Variants in CLCN7 observed in about 807,000 individuals in gnomAD.
The protein encoded by CLCN7 is H(+)/Cl(-) exchange transporter 7.
In CLCN7, 60 loss-of-function variants were observed where a neutral mutation model predicts 102.1. The observed-to-expected ratio is 0.59, with a 90% confidence interval of 0.48 to 0.73. CLCN7 has a LOEUF of 0.73. Ranked by LOEUF, CLCN7 falls within the 30% of genes least tolerant of loss-of-function variation. The pLI is 0.00. For synonymous variants in CLCN7, 560 were observed against 490.5 expected, an observed-to-expected ratio of 1.14 and a Z score of -1.87; for missense variants, 962 against 1,125.7, an observed-to-expected ratio of 0.85 and a Z score of 2.08.
chr16:1,461,474 C>T lies in CLCN7; in HGVS notation c.286-4G>A, dbSNP rs1428167911. 1.3e-6 allele frequency: 2 copies of T among 1,580,260 alleles called. No homozygotes were observed. The highest frequency in any genetic ancestry group is 1.9e-5 in the Admixed American group (1 of 52,658). On this transcript the variant is annotated splice_region_variant and splice_polypyrimidine_tract_variant and intron_variant, in intron 3 of 24. Transcript: ENST00000382745. ...CACTGTTGTCATAGTCCAAGCTCTG[C>T]AGGCCGGGACAGCAAGGGCAGCACT...
chr16:1,458,236 G>A (rs1302183900), intron 7 of CLCN7, among the ~76,000 whole-genome samples: 1 of 152,210 alleles, frequency 6.6e-6, no homozygotes, highest in South Asian at 2.1e-4. Flanking sequence ...ACCTGAGAAG[G>A]TGTGTAAGGT....
In CLCN7 at chr16:1,459,086, C is replaced by T. The variant is rs970353729; in HGVS notation, c.675+21G>A. The stretch of plus-strand genomic sequence containing the variant: ...AAGAGCGGGCGCCCACCCTGCCCAG[C>T]CAGGGCCACCGCACCCTCACCTTGA... On this transcript the variant is annotated intron_variant, in intron 7 of 24. Coordinates refer to ENST00000382745, the MANE Select transcript of CLCN7 (RefSeq NM_001287.6). 1.9e-6 allele frequency: 3 copies of T among 1,597,724 alleles called. No individual in the cohort carries two copies. The South Asian group carries it at 3.3e-5, about 18-fold the overall frequency.
intron 5 of CLCN7, 40 bp downstream of exon 5, chr16:1,460,775 GC>G (rs757116869): frequency 6.2e-7 from 1 of 1,613,344 alleles, no homozygotes. Context: ...CCCAGGCCAC[GC>G]CCCCCTCCCA....
chr16:1,455,839 C>T (rs932714495), intron 10 of CLCN7, 44 bp from the exon 11 acceptor site: 5 of 1,593,696 alleles, frequency 3.1e-6, no homozygotes, highest in African/African-American at 2.7e-5. Flanking sequence ...GGACACAGGG[C>T]ACCATGCCCA....
chr16:1,467,810 C>G (rs1025555670), intron 1 of CLCN7: 1 of 152,370 alleles, frequency 6.6e-6, no homozygotes, highest in Non-Finnish European at 1.5e-5. Flanking sequence ...TCTGGCCGGA[C>G]GTGGTGGCTC....
chr16:1,460,847 C>G lies in CLCN7; in HGVS notation c.453G>C (p.Leu151=). Residue 151 remains leucine, a synonymous_variant, in exon 5 of 25, where the codon CTG becomes CTC. Transcript: ENST00000382745. ...TGATGACCCTGTACTTGAGGCCAGC[C>G]AGGTTTTCCACCACGATGTCAATGA... ...ACFIDIVVEN[L]AGLKYRVIKG... is the part of the protein sequence containing the mutation. 1 of 1,614,066 alleles carries G rather than the reference C, an allele frequency of 6.2e-7. No homozygotes were observed. Among genetic ancestry groups the G allele is most frequent in the Non-Finnish European group, 8.5e-7 (1 of 1,179,962 alleles).
At chr16:1,452,971 C>T in intron 14 of CLCN7, 78 bp from the exon 15 acceptor site, 1 of 1,532,276 alleles carries the variant, frequency 6.5e-7, no homozygotes, top group Non-Finnish European at 8.8e-7. Context: ...AACTCGAGTC[C>T]CTGATGGAGG....
rs993148668 is a variant in CLCN7 at position 1,446,816 on chromosome 16, G to A, written c.2332-99C>T. The A allele has an allele frequency of 3.0e-5, 37 of 1,218,618 alleles. No individual in the cohort carries two copies. In the African/African-American group the frequency reaches 4.1e-4, roughly 13 times the overall value. The allele number at this position is 1,218,618 out of a possible 1,614,324, so 75.5% of individuals were successfully genotyped here. A position where few individuals can be genotyped will look rare whatever the true frequency, so the allele number is the denominator to read the frequency against. ...GTGGCTGGGGCAGCACAGGCAGGGG[G>A]CCCTGGGGGCTTCAGCACAGCCCCC... On this transcript the variant is annotated intron_variant, in intron 24 of 24. Transcript: ENST00000382745.
intron 2 of CLCN7, among the ~76,000 whole-genome samples, chr16:1,463,690 T>C (rs8049926): frequency 0.47 from 71,532 of 151,036 alleles, 17,290 homozygotes; most frequent in African/African-American, 0.55. Flanking sequence ...CACTGTGTTG[T>C]CTAGGCTGAT....
Position 1,450,583 on chromosome 16 carries a change from C to T in CLCN7, c.1531G>A (p.Ala511Thr). 2 of 1,612,366 alleles carry T rather than the reference C, an allele frequency of 1.2e-6. No individual in the cohort carries two copies. The highest frequency in any genetic ancestry group is 1.7e-6 in the Non-Finnish European group (2 of 1,179,718). ...ACWTYGLTVS[A>T]GVFIPSLLIG... ...AGCAGGGACGGGATGAAGACCCCGG[C>T]AGACACCGTGAGCCCGTAGGTCCAG... is the stretch of plus-strand genomic sequence containing the variant. The change falls in exon 17 of 25, where the codon GCC becomes ACC. Residue 511 changes from alanine to threonine, a missense_variant. Ala to Thr is a moderately conservative substitution (Grantham distance 58). Coordinates refer to ENST00000382745, the MANE Select transcript of CLCN7 (RefSeq NM_001287.6).
Position 1,455,146 on chromosome 16 carries a change from C to G in CLCN7, c.1086G>C (p.Arg362Ser). The change falls in exon 12 of 25, where the codon AGG becomes AGC. Residue 362 changes from arginine to serine, a missense_variant. Arg to Ser is a moderately radical substitution (Grantham distance 110, BLOSUM62 -1). Around this residue, in one of 2 missense-constraint regions of CLCN7, gnomAD observed 799 missense variants for 988.0 expected, o/e 0.81. Coordinates refer to ENST00000382745, the MANE Select transcript of CLCN7 (RefSeq NM_001287.6). ...LSSPGLINFG[R>S]FDSEKMAYTI... is the part of the protein sequence containing the mutation. The stretch of plus-strand genomic sequence containing the variant: ...TGGGGCAGGTTACCTCCGAGTCAAA[C>G]CTTCCGAAGTTGATGAGGCCTGGGC... The G allele has an allele frequency of 2.5e-6, 4 of 1,608,580 alleles. No homozygotes were observed. The highest frequency in any genetic ancestry group is 1.7e-6 in the Non-Finnish European group (2 of 1,174,956).
chr16:1,459,735 T>G (rs1374826453), intron 6 of CLCN7, among the ~76,000 whole-genome samples: 5 of 30,354 alleles, frequency 1.6e-4, no homozygotes, highest in East Asian at 5.8e-4. Context: ...GAAGGGGAGC[T>G]CAGCACACAC....
At chr16:1,454,790 G>C (rs150581984) in intron 12 of CLCN7, among the ~76,000 whole-genome samples, 1 of 152,244 alleles carries the variant, frequency 6.6e-6, no homozygotes, top group Non-Finnish European at 1.5e-5. Context: ...ATGGCACGGA[G>C]AGTCTCCCCA....
intron 23 of CLCN7, 153 bp from the exon 24 acceptor site, chr16:1,447,239 C>T: frequency 1.7e-6 from 2 of 1,155,494 alleles, no homozygotes; most frequent in Non-Finnish European, 2.5e-6. Flanking sequence ...CCCTTGACTT[C>T]AGCTCTAAAG....
In CLCN7 at chr16:1,460,131, G is replaced by A. The variant is rs4786419; in HGVS notation, c.594+287C>T. ...GGTGGAGGCGGAGGTGGAGATGGAA[G>A]GAGGGGAGGGCAGAGTGAGGAGATG... On this transcript the variant is annotated intron_variant, in intron 6 of 24. Transcript: ENST00000382745. Among the ~76,000 whole-genome samples, 58,812 of 151,572 alleles carry A rather than the reference G, an allele frequency of 0.39. 12,237 individuals carry two copies. The highest frequency in any genetic ancestry group is 0.46 in the Non-Finnish European group (30,949 of 67,798).
chr16:1,446,569 G>C lies in CLCN7; in HGVS notation c.*62C>G. On this transcript the variant is annotated 3_prime_UTR_variant, in exon 25 of 25. Coordinates refer to ENST00000382745, the MANE Select transcript of CLCN7 (RefSeq NM_001287.6). ...TTTGGGCCGAGAAACCAGTGACTCCGGGAGGAAATGCAGAAGGGCCGGGGT... is the reference window on the plus strand; with the variant it reads ...TTTGGGCCGAGAAACCAGTGACTCCCGGAGGAAATGCAGAAGGGCCGGGGT... The C allele has an allele frequency of 7.1e-7, 1 of 1,403,810 alleles. No homozygotes were observed. Among genetic ancestry groups the C allele is most frequent in the Non-Finnish European group, 9.9e-7 (1 of 1,013,702 alleles). 87.0% of individuals were successfully genotyped at this position (1,403,810 alleles called of 1,614,324 possible). A position where few individuals can be genotyped will look rare whatever the true frequency, so the allele number is the denominator to read the frequency against.
chr16:1,453,403 G>A (rs2038785332), intron 14 of CLCN7, among the ~76,000 whole-genome samples: 1 of 152,214 alleles, frequency 6.6e-6, no homozygotes, highest in Non-Finnish European at 1.5e-5. Flanking sequence ...AACTTCTCCA[G>A]ATGTGTGGGA....
rs2038845678 is a variant in CLCN7 at position 1,457,041 on chromosome 16, G to A, written c.822+213C>T. Among the ~76,000 whole-genome samples the A allele has an allele frequency of 6.6e-6, 1 of 152,156 alleles. No homozygotes were observed. Among genetic ancestry groups the A allele is most frequent in the Non-Finnish European group, 1.5e-5 (1 of 68,024 alleles). Reference sequence around the variant, plus strand: ...CCACGGGAAACACTGATGCACGTGTGGCAGGGGACCCAAGGAGGGAAGCAG... The same window carrying A: ...CCACGGGAAACACTGATGCACGTGTAGCAGGGGACCCAAGGAGGGAAGCAG... On this transcript the variant is annotated intron_variant, in intron 9 of 24. Coordinates refer to ENST00000382745, the MANE Select transcript of CLCN7 (RefSeq NM_001287.6). The surrounding 1 kb of genome is among the most constrained non-coding windows in gnomAD (Gnocchi z 5.4).
Position 1,457,842 on chromosome 16 carries a change from G to T in CLCN7, c.676-86C>A. 6 of 1,356,108 alleles carry T rather than the reference G, an allele frequency of 4.4e-6. No individual in the cohort carries two copies. Among genetic ancestry groups the T allele is most frequent in the Non-Finnish European group, 6.3e-6 (6 of 952,750 alleles). The allele number at this position is 1,356,108 out of a possible 1,614,324, so 84.0% of individuals were successfully genotyped here. On this transcript the variant is annotated intron_variant, in intron 7 of 24. Transcript: ENST00000382745. The surrounding 1 kb of genome is among the most constrained non-coding windows in gnomAD (Gnocchi z 5.4). ...GCCGTAAAACAGCACACACAGCCCC[G>T]ATCAGGCAGAGTGGCTGGGACACGG... is the stretch of plus-strand genomic sequence containing the variant.
Sources: gnomAD v4.1 joint callset for allele counts (sites outside exome capture counted in the v4.1 genomes callset) on GRCh38, gnomAD v4.1.1 for gene constraint, gnomAD v4.1.1 regional missense constraint, Gnocchi (gnomAD v3.1) non-coding constraint, MANE v1.5 for transcripts, NCBI Gene and HGNC (gene_info 2026-07-23, HGNC 2026-07-21) for gene names.